Variants in RGS12 observed in about 807,000 individuals in gnomAD.
RGS12 encodes the protein regulator of G protein signaling 12.
A neutral mutation model predicts 120.1 loss-of-function variants in RGS12; 66 were observed. The ratio of observed to expected loss-of-function variants is 0.55; its 90% confidence interval spans 0.45 to 0.67. RGS12 has a LOEUF of 0.67. Among genes scored for constraint, RGS12 ranks in the 30% least tolerant of loss-of-function variants. The probability of loss-of-function intolerance (pLI) is 0.00; values close to 1 mark genes in which losing one functional copy is unlikely to be tolerated. For synonymous variants in RGS12, 827 were observed against 804.7 expected (o/e 1.03, Z -0.47); for missense variants, 1,859 against 1,957.7 (o/e 0.95, Z 0.95).
intron 17 of RGS12, chr4:3,431,809 G>C: frequency 1.0e-6 from 1 of 985,758 alleles, no homozygotes; most frequent in Non-Finnish European, 1.2e-6. Context: ...CGATGGGAGC[G>C]CCTCTCCGTC....
chr4:3,393,333 TG>T (rs1719697950), intron 4 of RGS12, among the ~76,000 whole-genome samples: 1 of 152,172 alleles, frequency 6.6e-6, no homozygotes, highest in Non-Finnish European at 1.5e-5. Context: ...GCCTGCCTCG[TG>T]GGGTCTCGGC....
chr4:3,328,954 A>G (rs185882311), intron 2 of RGS12, among the ~76,000 whole-genome samples: 51 of 152,148 alleles, frequency 3.4e-4, no homozygotes, highest in African/African-American at 1.2e-3. Flanking sequence ...CCCCTTGTCT[A>G]CTAACCATGT....
At position 3,374,107 on chromosome 4, in the gene RGS12, C is replaced by A. The variant is rs966971834; in HGVS notation, c.1999-12309C>A. Among the ~76,000 whole-genome samples the A allele has an allele frequency of 3.3e-5, 5 of 152,232 alleles. No individual in the cohort carries two copies. The highest frequency in any genetic ancestry group is 7.3e-5 in the Non-Finnish European group (5 of 68,040). On this transcript the variant is annotated intron_variant, in intron 3 of 17. Coordinates refer to ENST00000336727, the MANE Select transcript of RGS12 (RefSeq NM_001394154.1). The surrounding 1 kb of genome is among the most constrained non-coding windows in gnomAD (Gnocchi z 6.3). ...GCACCTTCTCCTACCATGTCCCACG[C>A]GGCTCTGTGAACGCAGGCATCCCTG...
Position 3,439,554 on chromosome 4 carries a change from G to C in RGS12, c.4214G>C (p.Gly1405Ala), listed in dbSNP as rs775847902. The change falls in exon 18 of 18, where the codon GGG becomes GCG. Residue 1405 changes from glycine (G) to alanine (A), a missense_variant. This residue lies in a region of RGS12 where 517 missense variants were observed against 488.5 expected (regional missense o/e 1.06). Coordinates refer to ENST00000336727, the MANE Select transcript of RGS12 (RefSeq NM_001394154.1). The part of the protein sequence containing the change: ...SAPGRDGGIA[G>A]AQAGPGRSQA... ...CCCGGGCGGGATGGTGGCATAGCGGGGGCACAGGCTGGCCCTGGGAGGTCG... is the reference window on the plus strand; with the variant it reads ...CCCGGGCGGGATGGTGGCATAGCGGCGGCACAGGCTGGCCCTGGGAGGTCG... 1 of 1,612,386 alleles carries C rather than the reference G, an allele frequency of 6.2e-7. No homozygotes were observed.
intron 14 of RGS12, among the ~76,000 whole-genome samples, chr4:3,426,305 G>C (rs1374073655): frequency 8.7e-5 from 13 of 149,514 alleles, no homozygotes; most frequent in African/African-American, 3.0e-4. Context: ...TGCAGGGGAG[G>C]GGGTGAGTGG....
intron 3 of RGS12, among the ~76,000 whole-genome samples, chr4:3,361,411 T>G (rs1198387127): frequency 1.3e-5 from 2 of 152,170 alleles, no homozygotes; most frequent in African/African-American, 4.8e-5. Context: ...AGCTTGATTG[T>G]GAGTACTTTT....
At chr4:3,311,604 C>T (rs566788300) in intron 1 of RGS12, among the ~76,000 whole-genome samples, 1 of 152,334 alleles carries the variant, frequency 6.6e-6, no homozygotes, top group East Asian at 1.9e-4. Flanking sequence ...GAGCTAGTGA[C>T]ACCTTTGCTT....
chr4:3,386,280 C>T (rs1379193787), intron 3 of RGS12, 136 bp from the exon 4 acceptor site: 15 of 820,254 alleles, frequency 1.8e-5, no homozygotes, highest in South Asian at 3.0e-5. Flanking sequence ...CTGGCTTTCC[C>T]GGGACACCTC....
At chr4:3,340,226 G>T (rs917333061) in intron 2 of RGS12, among the ~76,000 whole-genome samples, 2 of 152,240 alleles carry the variant, frequency 1.3e-5, no homozygotes, top group African/African-American at 4.8e-5. Flanking sequence ...CCTGCCAGGA[G>T]CCGGGCGCTG....
intron 2 of RGS12, among the ~76,000 whole-genome samples, 161 bp downstream of exon 2, chr4:3,318,212 C>T (rs1250969587): frequency 2.0e-5 from 3 of 150,632 alleles, no homozygotes; most frequent in African/African-American, 4.9e-5. Context: ...CTGTGGGCTG[C>T]GGACTGTGTC....
rs564901365 is a variant in RGS12, at chr4:3,352,247, T to A, written c.1998+9194T>A. 9.9e-4 allele frequency among the ~76,000 whole-genome samples: 151 copies of A among 152,314 alleles called. 1 individual carries two copies. Among genetic ancestry groups the A allele is most frequent in the African/African-American group, 3.5e-3 (145 of 41,568 alleles). On this transcript the variant is annotated intron_variant, in intron 3 of 17. Transcript: ENST00000336727. Reference sequence around the variant, plus strand: ...CAAGGTCCTTTATTAAGGTCCTTTATTAACTCAGATCCCAAATGAAGTAAA... The same window carrying A: ...CAAGGTCCTTTATTAAGGTCCTTTAATAACTCAGATCCCAAATGAAGTAAA...
At position 3,342,918 on chromosome 4, in the gene RGS12, C is replaced by G. The variant is rs1455236841; in HGVS notation, c.1882-19C>G. 6.4e-7 allele frequency: 1 copy of G among 1,557,172 alleles called. No homozygotes were observed. Among genetic ancestry groups the G allele is most frequent in the East Asian group, 2.2e-5 (1 of 44,604 alleles). On this transcript the variant is annotated intron_variant, in intron 2 of 17. Coordinates refer to ENST00000336727, the MANE Select transcript of RGS12 (RefSeq NM_001394154.1). ...TCTTTGCAAAAGAATAACCTGATGC[C>G]TTTTTTCTTCGTGTTTAGGGCTCAA...
At chr4:3,348,022 C>T (rs1048827959) in intron 3 of RGS12, among the ~76,000 whole-genome samples, 2 of 152,178 alleles carry the variant, frequency 1.3e-5, no homozygotes, top group East Asian at 1.9e-4. Flanking sequence ...ATTTACCAGA[C>T]GTACCAGATA....
chr4:3,438,545 C>T lies in RGS12; in HGVS notation c.4115-910C>T, dbSNP rs181831114. Among the ~76,000 whole-genome samples the T allele has an allele frequency of 6.1e-4, 93 of 152,246 alleles. 1 individual carries two copies. In the East Asian group the frequency reaches 0.014, roughly 23 times the overall value. On this transcript the variant is annotated intron_variant, in intron 17 of 17. Coordinates refer to ENST00000336727, the MANE Select transcript of RGS12 (RefSeq NM_001394154.1). ...GCGGCACATGAACCCAGCCATTCTG[C>T]GTGCACCGTTCACTTTCCTTGGCCC...
At chr4:3,430,094 A>G (rs532302655) in intron 16 of RGS12, among the ~76,000 whole-genome samples, 22 of 152,254 alleles carry the variant, frequency 1.4e-4, no homozygotes, top group African/African-American at 5.1e-4. Context: ...ACAGTTTCCT[A>G]CTCAGACGGC....
At position 3,439,539 on chromosome 4, in the gene RGS12, A is replaced by C; in HGVS notation, c.4199A>C (p.Asp1400Ala). The change falls in exon 18 of 18, where the codon GAT becomes GCT. Residue 1400 changes from aspartate (D) to alanine (A), a missense_variant. Physicochemically the swap from Asp to Ala is moderately radical, Grantham distance 126 (BLOSUM62 -2). Transcript: ENST00000336727. ...DLVTGSAPGR[D>A]GGIAGAQAGP... is the part of the protein sequence containing the mutation. The stretch of plus-strand genomic sequence containing the variant: ...GTAACTGGCTCGGCGCCCGGGCGGG[A>C]TGGTGGCATAGCGGGGGCACAGGCT... 6.2e-7 allele frequency: 1 copy of C among 1,612,514 alleles called. No homozygotes were observed. The highest frequency in any genetic ancestry group is 8.5e-7 in the Non-Finnish European group (1 of 1,179,780).
At chr4:3,321,624 T>G (rs1725198324) in intron 2 of RGS12, among the ~76,000 whole-genome samples, 1 of 152,206 alleles carries the variant, frequency 6.6e-6, no homozygotes, top group Non-Finnish European at 1.5e-5. Context: ...AGCTTCTGCT[T>G]TTGAGTCCGC....
chr4:3,416,191 G>C, intron 7 of RGS12, 70 bp downstream of exon 7: 1 of 1,554,248 alleles, frequency 6.4e-7, no homozygotes, highest in Non-Finnish European at 8.8e-7. Flanking sequence ...CACCTTCAAA[G>C]AACACGTGCT....
intron 9 of RGS12, 168 bp from the exon 10 acceptor site, chr4:3,420,474 C>T (rs1375170320): frequency 8.9e-6 from 6 of 677,302 alleles, no homozygotes; most frequent in Non-Finnish European, 1.6e-5. Flanking sequence ...TAGGAAGACA[C>T]ATGTGACTCG....
Sources: gnomAD v4.1 joint callset for allele counts (sites outside exome capture counted in the v4.1 genomes callset) on GRCh38, gnomAD v4.1.1 for gene constraint, gnomAD v4.1.1 regional missense constraint, Gnocchi (gnomAD v3.1) non-coding constraint, MANE v1.5 for transcripts, NCBI Gene and HGNC (gene_info 2026-07-23, HGNC 2026-07-21) for gene names.